Variants in MAP3K4 observed in about 807,000 individuals in gnomAD.
MAP3K4 encodes the protein MAP three kinase 1.
Under a neutral mutation model 185.6 loss-of-function variants are expected in MAP3K4, and 67 were observed. The ratio of observed to expected loss-of-function variants is 0.36; its 90% CI spans 0.30 to 0.44. The LOEUF is 0.44. Ranked by LOEUF, MAP3K4 falls within the 20% of genes least tolerant of loss-of-function variation. The pLI is 1.00. For synonymous variants in MAP3K4, 702 were observed against 710.4 expected, an observed-to-expected ratio of 0.99 and a Z score of 0.19; for missense variants, 1,551 against 1,995.1, an observed-to-expected ratio of 0.78 and a Z score of 4.24.
In MAP3K4 at chr6:161,096,431, T is replaced by A. The variant is rs184951496; in HGVS notation, c.3428-649T>A. Among the ~76,000 whole-genome samples the A allele has an allele frequency of 7.6e-4, 116 of 152,328 alleles. No homozygotes were observed. The highest frequency in any genetic ancestry group is 2.7e-3 in the African/African-American group (113 of 41,568). On this transcript the variant is annotated intron_variant, in intron 15 of 26. Transcript: ENST00000392142. This position sits in a 1 kb window ranked among gnomAD's most constrained non-coding sequence, Gnocchi z 4.9. The stretch of plus-strand genomic sequence containing the variant: ...AAATATGACGCATGTCCACTAATAC[T>A]GACATCTAGTTATTGGGAAAGTGGA...
Position 160,991,830 on chromosome 6 carries a change from G to A in MAP3K4, c.-102G>A. 1.5e-6 allele frequency: 2 copies of A among 1,306,628 alleles called. No individual in the cohort carries two copies. The highest frequency in any genetic ancestry group is 1.7e-5 in the South Asian group (1 of 57,698). The allele number at this position is 1,306,628 out of a possible 1,614,324, so 80.9% of individuals were successfully genotyped here. On this transcript the variant is annotated 5_prime_UTR_variant, in exon 1 of 27. Coordinates refer to ENST00000392142, the MANE Select transcript of MAP3K4 (RefSeq NM_005922.4). The surrounding 1 kb of genome is among the most constrained non-coding windows in gnomAD (Gnocchi z 5.7). ...CGCACGGCTCCTGCGGCGGGGTAGA[G>A]GCGGAGGCGGAGTCGAGTCACTCCC... is the stretch of plus-strand genomic sequence containing the variant.
Position 161,043,398 on chromosome 6 carries a change from A to G in MAP3K4, c.344-5218A>G, listed in dbSNP as rs2114745419. Among the ~76,000 whole-genome samples, 1 of 152,252 alleles carries G rather than the reference A, an allele frequency of 6.6e-6. No homozygotes were observed. The highest frequency in any genetic ancestry group is 3.4e-3 in the Middle Eastern group (1 of 294). ...CTTTTACTTTAAGCCTTTACAGACTAGTTAGCCTGTGTAATCTTTTGTGGT... is the reference window on the plus strand; with the variant it reads ...CTTTTACTTTAAGCCTTTACAGACTGGTTAGCCTGTGTAATCTTTTGTGGT... On this transcript the variant is annotated intron_variant, in intron 2 of 26. Coordinates refer to ENST00000392142, the MANE Select transcript of MAP3K4 (RefSeq NM_005922.4). The surrounding 1 kb of genome is among the most constrained non-coding windows in gnomAD (Gnocchi z 4.3).
Position 161,080,849 on chromosome 6 carries a change from C to A in MAP3K4, c.2098-32C>A. On this transcript the variant is annotated intron_variant, in intron 5 of 26. Coordinates refer to ENST00000392142, the MANE Select transcript of MAP3K4 (RefSeq NM_005922.4). This position sits in a 1 kb window ranked among gnomAD's most constrained non-coding sequence, Gnocchi z 4.8. ...GCGCTGAGTTGCCAAGTTCTACTTT[C>A]AAATGTCTCCCTTTACTTTTTGTGT... is the stretch of plus-strand genomic sequence containing the variant. 2 of 1,607,010 alleles carry A rather than the reference C, an allele frequency of 1.2e-6. No homozygotes were observed. The highest frequency in any genetic ancestry group is 1.1e-5 in the South Asian group (1 of 90,140).
Position 161,034,370 on chromosome 6 carries a change from A to G in MAP3K4, c.264A>G (p.Thr88=). The change falls in exon 2 of 27, where the codon ACA becomes ACG. Residue 88 remains threonine (T), a synonymous_variant. Transcript: ENST00000392142. The surrounding 1 kb of genome is among the most constrained non-coding windows in gnomAD (Gnocchi z 4.4). ...TTTATGGTACCTCTCCCCCCAGCAC[A>G]CCTCGACAGATGAAACGCATGTCAA... ...ENLYGTSPPS[T]PRQMKRMSTK... The G allele has an allele frequency of 1.2e-6, 2 of 1,613,888 alleles. No homozygotes were observed.
chr6:160,992,492 A>T (rs2115021520), intron 1 of MAP3K4: 1 of 210,540 alleles, frequency 4.7e-6, no homozygotes, highest in Middle Eastern at 1.6e-3. Flanking sequence ...CGAGTAAAAG[A>T]GACATTCGGA....
intron 1 of MAP3K4, among the ~76,000 whole-genome samples, chr6:161,015,224 C>T (rs1300058799): frequency 6.6e-6 from 1 of 151,628 alleles, no homozygotes; most frequent in African/African-American, 2.4e-5. Flanking sequence ...GAACGGAAAA[C>T]CAAACACCAC....
At chr6:161,024,698 A>G (rs1583126995) in intron 1 of MAP3K4, among the ~76,000 whole-genome samples, 1 of 152,186 alleles carries the variant, frequency 6.6e-6, no homozygotes, top group Admixed American at 6.5e-5. Context: ...CCTTGTCATC[A>G]TATCATATCA....
Position 161,016,584 on chromosome 6 carries a change from G to T in MAP3K4, c.153-17675G>T, listed in dbSNP as rs189588442. ...ATAGCTGGTTGTCCTAGCACCGTTT[G>T]TTAAAAAGACTGTCCTTTTCCCATT... On this transcript the variant is annotated intron_variant, in intron 1 of 26. Transcript: ENST00000392142. Among the ~76,000 whole-genome samples, 230 of 152,306 alleles carry T rather than the reference G, an allele frequency of 1.5e-3. 1 individual carries two copies. The highest frequency in any genetic ancestry group is 5.2e-3 in the African/African-American group (218 of 41,560).
At position 161,093,015 on chromosome 6, in the gene MAP3K4, GA is replaced by G. The variant is rs1777397377; in HGVS notation, c.3309del (p.Glu1103AspfsTer14). The G allele has an allele frequency of 6.2e-7, 1 of 1,613,580 alleles. No homozygotes were observed. The highest frequency in any genetic ancestry group is 8.5e-7 in the Non-Finnish European group (1 of 1,179,764). ...TQGFDFLQAI[E>X]PAFISALPED... ...AGGATTTGATTTTCTACAAGCAATT[GA>G]ACCTGCCTTTATTTCAGCTTTACCA... On this transcript the variant is annotated frameshift_variant, in exon 14 of 27. Transcript: ENST00000392142. LOFTEE classifies it high-confidence loss of function. This position sits in a 1 kb window ranked among gnomAD's most constrained non-coding sequence, Gnocchi z 5.2.
chr6:161,050,035 C>G, intron 3 of MAP3K4, 56 bp downstream of exon 3: 1 of 1,459,820 alleles, frequency 6.9e-7, no homozygotes, highest in African/African-American at 1.4e-5. Context: ...TTATTTATTG[C>G]AAATTATAAT....
At position 161,067,051 on chromosome 6, in the gene MAP3K4, T is replaced by A. The variant is rs9295138; in HGVS notation, c.1708-3557T>A. The A allele has an allele frequency of 6.0e-6, 1 of 165,460 alleles. No individual in the cohort carries two copies. Among genetic ancestry groups the A allele is most frequent in the Non-Finnish European group, 1.3e-5 (1 of 75,812 alleles). 10.2% of individuals were successfully genotyped at this position (165,460 alleles called of 1,614,324 possible). On this transcript the variant is annotated intron_variant, in intron 3 of 26. Coordinates refer to ENST00000392142, the MANE Select transcript of MAP3K4 (RefSeq NM_005922.4). This position sits in a 1 kb window ranked among gnomAD's most constrained non-coding sequence, Gnocchi z 6.3. The stretch of plus-strand genomic sequence containing the variant: ...TTTACTTACACATACCTTAAGCTGT[T>A]AACCCTGAATATCTGAGACAGGTCT...
chr6:161,072,059 G>A (rs1210183494), intron 4 of MAP3K4, among the ~76,000 whole-genome samples: 3 of 152,160 alleles, frequency 2.0e-5, no homozygotes, highest in Admixed American at 6.5e-5. Context: ...TAGAAAGAAA[G>A]CAGAAATTTT....
Position 161,022,966 on chromosome 6 carries a change from G to A in MAP3K4, c.153-11293G>A, listed in dbSNP as rs879561097. Reference sequence around the variant, plus strand: ...ATAACTTAATGGGTAACAAATTACAGAGCTGATTGAAAACATAAACAAGTA... The same window carrying A: ...ATAACTTAATGGGTAACAAATTACAAAGCTGATTGAAAACATAAACAAGTA... On this transcript the variant is annotated intron_variant, in intron 1 of 26. Coordinates refer to ENST00000392142, the MANE Select transcript of MAP3K4 (RefSeq NM_005922.4). This position sits in a 1 kb window ranked among gnomAD's most constrained non-coding sequence, Gnocchi z 4.2. 6.6e-5 allele frequency among the ~76,000 whole-genome samples: 10 copies of A among 152,164 alleles called. No homozygotes were observed. The highest frequency in any genetic ancestry group is 2.0e-4 in the Admixed American group (3 of 15,276).
In MAP3K4 at chr6:161,087,816, A is replaced by G. The variant is rs376060552; in HGVS notation, c.2685A>G (p.Val895=). 6.2e-6 allele frequency: 10 copies of G among 1,614,006 alleles called. No homozygotes were observed. Among genetic ancestry groups the G allele is most frequent in the South Asian group, 1.1e-5 (1 of 91,076 alleles). ...ACTGTTCAAAAGATTCAGATGACGT[A>G]CTCATCGATGCCTATCTGCTTCTGA... ...GKDCSKDSDD[V]LIDAYLLLTK... The change falls in exon 10 of 27, where the codon GTA becomes GTG. Residue 895 remains valine (V), a synonymous_variant. Transcript: ENST00000392142. The surrounding 1 kb of genome is among the most constrained non-coding windows in gnomAD (Gnocchi z 4.9).
In MAP3K4 at chr6:161,107,325, G is replaced by A. The variant is rs1232079416; in HGVS notation, c.4049-574G>A. On this transcript the variant is annotated intron_variant, in intron 20 of 26. Coordinates refer to ENST00000392142, the MANE Select transcript of MAP3K4 (RefSeq NM_005922.4). This position sits in a 1 kb window ranked among gnomAD's most constrained non-coding sequence, Gnocchi z 6.2. ...ATAATATGGGACTTTGTCAGCCTGAGGAAACCTGATGTTTCCTTGGAGCTA... is the reference window on the plus strand; with the variant it reads ...ATAATATGGGACTTTGTCAGCCTGAAGAAACCTGATGTTTCCTTGGAGCTA... Among the ~76,000 whole-genome samples the A allele has an allele frequency of 2.6e-5, 4 of 152,170 alleles. No homozygotes were observed. The highest frequency in any genetic ancestry group is 9.7e-5 in the African/African-American group (4 of 41,442).
Position 161,106,738 on chromosome 6 carries a change from G to A in MAP3K4, c.4048+33G>A, listed in dbSNP as rs373435615. The A allele has an allele frequency of 1.3e-6, 2 of 1,548,810 alleles. No individual in the cohort carries two copies. The highest frequency in any genetic ancestry group is 8.8e-7 in the Non-Finnish European group (1 of 1,135,232). Reference sequence around the variant, plus strand: ...AATTAAGGAGCATGATGTCAAGATAGTCCCTGTTAGAAGTAGCAATAGTTA... The same window carrying A: ...AATTAAGGAGCATGATGTCAAGATAATCCCTGTTAGAAGTAGCAATAGTTA... On this transcript the variant is annotated intron_variant, in intron 20 of 26. Coordinates refer to ENST00000392142, the MANE Select transcript of MAP3K4 (RefSeq NM_005922.4). This position sits in a 1 kb window ranked among gnomAD's most constrained non-coding sequence, Gnocchi z 4.9.
Position 161,107,854 on chromosome 6 carries a change from C to T in MAP3K4, c.4049-45C>T, listed in dbSNP as rs530828166. 2.2e-5 allele frequency: 29 copies of T among 1,335,110 alleles called. No homozygotes were observed. The East Asian group carries it at 6.4e-4, about 30-fold the overall frequency. 82.7% of individuals were successfully genotyped at this position (1,335,110 alleles called of 1,614,324 possible). A position where few individuals can be genotyped will look rare whatever the true frequency, so the allele number is the denominator to read the frequency against. ...TACAAGTTTAAGGAATGTAAGACAGCCCCCTGCAGTGGCTGGAAGTGCAGC... is the reference window on the plus strand; with the variant it reads ...TACAAGTTTAAGGAATGTAAGACAGTCCCCTGCAGTGGCTGGAAGTGCAGC... On this transcript the variant is annotated intron_variant, in intron 20 of 26. Coordinates refer to ENST00000392142, the MANE Select transcript of MAP3K4 (RefSeq NM_005922.4). This position sits in a 1 kb window ranked among gnomAD's most constrained non-coding sequence, Gnocchi z 6.2.
rs1372481742 is a variant in MAP3K4, at chr6:161,082,015, G to A, written c.2255+977G>A. Among the ~76,000 whole-genome samples, 1 of 151,888 alleles carries A rather than the reference G, an allele frequency of 6.6e-6. No homozygotes were observed. The highest frequency in any genetic ancestry group is 1.5e-5 in the Non-Finnish European group (1 of 67,982). ...TCTGCAGGACTCTAGCTTTAGCTTT[G>A]TTCTTGACTCTGCCGATTTCTCCTA... is the stretch of plus-strand genomic sequence containing the variant. On this transcript the variant is annotated intron_variant, in intron 6 of 26. Transcript: ENST00000392142. The surrounding 1 kb of genome is among the most constrained non-coding windows in gnomAD (Gnocchi z 4.2).
At chr6:161,090,151 GT>G (rs1785955819) in intron 11 of MAP3K4, among the ~76,000 whole-genome samples, 1 of 152,126 alleles carries the variant, frequency 6.6e-6, no homozygotes, top group Non-Finnish European at 1.5e-5. Flanking sequence ...TCTTCTGTTG[GT>G]CTGATTTGTC....
Sources: allele counts gnomAD v4.1 joint callset (sites outside exome capture counted in the v4.1 genomes callset), GRCh38; gene constraint gnomAD v4.1.1; non-coding constraint Gnocchi (gnomAD v3.1); transcripts MANE v1.5; gene names NCBI Gene and HGNC (gene_info 2026-07-23, HGNC 2026-07-21).